The following PDZRN4 variants were observed in gnomAD, a reference collection of about 807,000 sequenced individuals.
The protein encoded by PDZRN4 is PDZ domain-containing RING finger protein 4.
Under a neutral mutation model 99.0 loss-of-function variants are expected in PDZRN4, and 70 were observed. That is an observed-to-expected ratio of 0.71 (90% CI 0.58 to 0.86). The LOEUF (loss-of-function observed/expected upper bound fraction) is 0.86. Ranked by LOEUF, PDZRN4 falls within the 40% of genes least tolerant of loss-of-function variation. The pLI is 0.00. For synonymous variants in PDZRN4, 551 were observed against 501.6 expected (o/e 1.10, Z -1.32); for missense variants, 1,474 against 1,331.2 (o/e 1.11, Z -1.67).
At chr12:41,207,160 CT>C (rs1950856628) in intron 3 of PDZRN4, among the ~76,000 whole-genome samples, 1 of 151,776 alleles carries the variant, frequency 6.6e-6, no homozygotes, top group Non-Finnish European at 1.5e-5. Context: ...GAGGACATTT[CT>C]TTTTGTAACA....
Position 41,388,366 on chromosome 12 carries a change from C to T in PDZRN4, c.844-118090C>T, listed in dbSNP as rs1055999747. Among the ~76,000 whole-genome samples, 4 of 148,520 alleles carry T rather than the reference C, an allele frequency of 2.7e-5. No individual in the cohort carries two copies. The South Asian group carries it at 6.6e-4, about 24-fold the overall frequency. On this transcript the variant is annotated intron_variant, in intron 3 of 9. Coordinates refer to ENST00000402685, the MANE Select transcript of PDZRN4 (RefSeq NM_001164595.2). The stretch of plus-strand genomic sequence containing the variant: ...CCTATGTAACAAACTACACATGTAC[C>T]TCTGAGCTTAAAATAAAAGATTAAA...
intron 9 of PDZRN4, among the ~76,000 whole-genome samples, chr12:41,568,286 C>A (rs1468276451): frequency 6.6e-6 from 1 of 152,098 alleles, no homozygotes; most frequent in Non-Finnish European, 1.5e-5. Flanking sequence ...ATTAATGTAT[C>A]TATTTGAATA....
intron 3 of PDZRN4, among the ~76,000 whole-genome samples, chr12:41,315,323 G>T (rs1256107977): frequency 6.6e-6 from 1 of 151,992 alleles, no homozygotes; most frequent in Non-Finnish European, 1.5e-5. Flanking sequence ...GATCACCATA[G>T]TGAAAAAGTC....
chr12:41,287,041 C>A (rs112179236), intron 3 of PDZRN4, among the ~76,000 whole-genome samples: 5 of 152,040 alleles, frequency 3.3e-5, no homozygotes, highest in African/African-American at 1.2e-4. Context: ...AACTAATGTC[C>A]GCAGAGGACC....
chr12:41,561,062 G>A (rs1939261334), intron 7 of PDZRN4, among the ~76,000 whole-genome samples: 2 of 152,146 alleles, frequency 1.3e-5, no homozygotes, highest in South Asian at 4.1e-4. Context: ...GCCAGGACCA[G>A]AGACCATAGC....
At chr12:41,366,965 T>C (rs10880063) in intron 3 of PDZRN4, among the ~76,000 whole-genome samples, 71,971 of 151,800 alleles carry the variant, frequency 0.47, 17,842 homozygotes, top group Middle Eastern at 0.65. Flanking sequence ...ATACAGAGCA[T>C]GGATAGTCCT....
chr12:41,423,185 G>A (rs1171955950), intron 3 of PDZRN4, among the ~76,000 whole-genome samples: 6 of 151,918 alleles, frequency 3.9e-5, no homozygotes, highest in Non-Finnish European at 8.8e-5. Flanking sequence ...TGGAGCACAT[G>A]TGCAGAACAT....
chr12:41,569,214 G>C (rs1939432801), intron 9 of PDZRN4, among the ~76,000 whole-genome samples: 1 of 151,530 alleles, frequency 6.6e-6, no homozygotes, highest in South Asian at 2.1e-4. Flanking sequence ...CTGCCTCCTG[G>C]GCTCAAGCGA....
intron 3 of PDZRN4, among the ~76,000 whole-genome samples, chr12:41,317,095 G>C: frequency 1.5e-5 from 1 of 66,410 alleles, no homozygotes; most frequent in African/African-American, 3.4e-5. Context: ...ATATTACATA[G>C]AGAATTATCT....
At chr12:41,206,295 C>G (rs1430165481) in intron 3 of PDZRN4, among the ~76,000 whole-genome samples, 2 of 151,872 alleles carry the variant, frequency 1.3e-5, no homozygotes, top group African/African-American at 4.8e-5. Flanking sequence ...AATTTAGATT[C>G]TCATCAGCAG....
intron 7 of PDZRN4, among the ~76,000 whole-genome samples, chr12:41,559,458 C>T (rs922208032): frequency 1.3e-5 from 2 of 152,042 alleles, no homozygotes; most frequent in Non-Finnish European, 2.9e-5. Flanking sequence ...AATCAGATAA[C>T]AAGAGTAAAA....
At position 41,188,560 on chromosome 12, in the gene PDZRN4, C is replaced by T. The variant is rs373138018; in HGVS notation, c.105C>T (p.His35=). 16 of 1,552,802 alleles carry T rather than the reference C, an allele frequency of 1.0e-5. No homozygotes were observed. In the African/African-American group the frequency reaches 2.0e-4, roughly 20 times the overall value. The change falls in exon 1 of 10, where the codon CAC becomes CAT. Residue 35 remains histidine, a synonymous_variant. Transcript: ENST00000402685. ...AGCCCCTGTGCACGCCGTGCGGGCA[C>T]GTCTTCTGCGCCAGCTGCCTGTTGC... The part of the protein sequence containing the change: ...LEEPLCTPCG[H]VFCASCLLPW...
intron 3 of PDZRN4, among the ~76,000 whole-genome samples, chr12:41,482,599 A>G (rs560886178): frequency 6.6e-6 from 1 of 152,312 alleles, no homozygotes; most frequent in East Asian, 1.9e-4. Context: ...CTCCCATTTT[A>G]CAGATGAAGA....
intron 3 of PDZRN4, among the ~76,000 whole-genome samples, chr12:41,502,699 CACAAAACAATTAAAA>C (rs570936989): frequency 4.0e-4 from 61 of 152,040 alleles, no homozygotes; most frequent in Non-Finnish European, 7.2e-4. Context: ...AGTCTCATCT[CACAAAACAATTAAAA>C]ACTATATGTC....
At chr12:41,481,413 A>G (rs1025096084) in intron 3 of PDZRN4, among the ~76,000 whole-genome samples, 3 of 152,110 alleles carry the variant, frequency 2.0e-5, no homozygotes, top group Non-Finnish European at 2.9e-5. Context: ...CTCCTGCCAA[A>G]CAACCAAGTC....
intron 3 of PDZRN4, among the ~76,000 whole-genome samples, chr12:41,241,718 T>A (rs572076179): frequency 4.6e-5 from 7 of 152,324 alleles, no homozygotes; most frequent in African/African-American, 1.2e-4. Flanking sequence ...TGATTTGACC[T>A]TGTGTTTCTT....
intron 3 of PDZRN4, among the ~76,000 whole-genome samples, chr12:41,438,877 T>A (rs535843925): frequency 2.8e-4 from 43 of 152,336 alleles, no homozygotes; most frequent in Admixed American, 8.5e-4. Context: ...CTTCTTCCAG[T>A]TTGTCCCAAA....
intron 5 of PDZRN4, among the ~76,000 whole-genome samples, chr12:41,527,666 A>G (rs1938592093): frequency 6.6e-6 from 1 of 152,224 alleles, no homozygotes; most frequent in African/African-American, 2.4e-5. Flanking sequence ...ATAGCCAACC[A>G]CTGACCAAAG....
At chr12:41,506,793 C>A in intron 4 of PDZRN4, 81 bp downstream of exon 4, 1 of 1,473,774 alleles carries the variant, frequency 6.8e-7, no homozygotes, top group South Asian at 1.3e-5. Flanking sequence ...AGCAGTTCCA[C>A]TAGCAGGTTG....
Sources: gnomAD v4.1 joint callset for allele counts (sites outside exome capture counted in the v4.1 genomes callset) on GRCh38, gnomAD v4.1.1 for gene constraint, MANE v1.5 for transcripts, NCBI Gene and HGNC (gene_info 2026-07-23, HGNC 2026-07-21) for gene names.